Variants in PRDM12 observed in about 807,000 individuals in gnomAD.
PRDM12 encodes the protein PR domain zinc finger protein 12.
A neutral mutation model predicts 29.6 loss-of-function variants in PRDM12; 17 were observed. The ratio of observed to expected loss-of-function variants is 0.57; its 90% CI spans 0.39 to 0.86. The LOEUF is 0.86. PRDM12 is among the 40% of genes least tolerant of loss of function. The probability of loss-of-function intolerance (pLI) is 0.00; values close to 1 mark genes in which losing one functional copy is unlikely to be tolerated. For missense variants in PRDM12, 422 were observed against 510.8 expected, an observed-to-expected ratio of 0.83 and a Z score of 1.68; for synonymous variants, 231 against 225.8, an observed-to-expected ratio of 1.02 and a Z score of -0.21.
intron 3 of PRDM12, among the ~76,000 whole-genome samples, chr9:130,673,057 G>A (rs1049296900): frequency 6.6e-6 from 1 of 152,178 alleles, no homozygotes; most frequent in African/African-American, 2.4e-5. Flanking sequence ...CAGTTCCTTT[G>A]GGAATTGCTT....
At chr9:130,679,294 C>T (rs1830871479) in intron 4 of PRDM12, among the ~76,000 whole-genome samples, 1 of 151,690 alleles carries the variant, frequency 6.6e-6, no homozygotes, top group South Asian at 2.1e-4. Flanking sequence ...ATTCATAAAA[C>T]CTCTGTGTAT....
At chr9:130,678,832 G>A (rs754528063) in intron 4 of PRDM12, among the ~76,000 whole-genome samples, 192 bp downstream of exon 4, 4 of 152,308 alleles carry the variant, frequency 2.6e-5, no homozygotes, top group East Asian at 3.9e-4. Flanking sequence ...GCATGGGCCG[G>A]GCATGGGTGG....
chr9:130,680,659 A>ATATTTTT, intron 4 of PRDM12, among the ~76,000 whole-genome samples: 20 of 72,172 alleles, frequency 2.8e-4, no homozygotes, highest in East Asian at 6.4e-4. Flanking sequence ...ATATATATAT[A>ATATTTTT]TTTTTTTTTT....
intron 3 of PRDM12, among the ~76,000 whole-genome samples, chr9:130,675,177 G>A (rs1445844982): frequency 1.3e-5 from 2 of 152,214 alleles, no homozygotes; most frequent in Non-Finnish European, 2.9e-5. Context: ...ACTGCACCCA[G>A]CCTACTGTTA....
chr9:130,671,397 A>T lies in PRDM12; in HGVS notation c.570+3084A>T, dbSNP rs546472266. 2.1e-4 allele frequency among the ~76,000 whole-genome samples: 32 copies of T among 151,824 alleles called. No homozygotes were observed. The Middle Eastern group carries it at 0.01, about 48-fold the overall frequency. On this transcript the variant is annotated intron_variant, in intron 3 of 4. Transcript: ENST00000253008. ...AGGACACACACACACACACACACAC[A>T]CACACACACACACACACACACTGTA...
At position 130,679,577 on chromosome 9, in the gene PRDM12, C is replaced by T. The variant is rs565322704; in HGVS notation, c.682+937C>T. 4.6e-5 allele frequency among the ~76,000 whole-genome samples: 7 copies of T among 152,286 alleles called. No individual in the cohort carries two copies. The South Asian group carries it at 1.5e-3, about 32-fold the overall frequency. Reference sequence around the variant, plus strand: ...CAAACTCCTGACCTCAAGCGATCTGCCCACTTTGGCCTCCCAAAGTGCTGA... The same window carrying T: ...CAAACTCCTGACCTCAAGCGATCTGTCCACTTTGGCCTCCCAAAGTGCTGA... On this transcript the variant is annotated intron_variant, in intron 4 of 4. Coordinates refer to ENST00000253008, the MANE Select transcript of PRDM12 (RefSeq NM_021619.3).
At chr9:130,673,395 G>A (rs972152904) in intron 3 of PRDM12, among the ~76,000 whole-genome samples, 16 of 152,296 alleles carry the variant, frequency 1.1e-4, no homozygotes, top group South Asian at 6.2e-4. Context: ...GCCTGGGCAC[G>A]GGGCACAGAA....
chr9:130,672,023 C>T (rs540158226), intron 3 of PRDM12, among the ~76,000 whole-genome samples: 2 of 152,274 alleles, frequency 1.3e-5, no homozygotes, highest in African/African-American at 4.8e-5. Context: ...GTGGAGGTTC[C>T]GCAGCAGGGC....
In PRDM12 at chr9:130,665,314, G is replaced by C. The variant is rs915343078; in HGVS notation, c.223+438G>C. 9.2e-5 allele frequency among the ~76,000 whole-genome samples: 14 copies of C among 152,198 alleles called. 1 individual carries two copies. The highest frequency in any genetic ancestry group is 3.3e-4 in the Admixed American group (5 of 15,284). Reference sequence around the variant, plus strand: ...AAAAGGCAGCCGGGGCTGGGGAGGGGGTGGAGGGAGGGCGGGCGGGGAGAA... The same window carrying C: ...AAAAGGCAGCCGGGGCTGGGGAGGGCGTGGAGGGAGGGCGGGCGGGGAGAA... On this transcript the variant is annotated intron_variant, in intron 1 of 4. Coordinates refer to ENST00000253008, the MANE Select transcript of PRDM12 (RefSeq NM_021619.3).
intron 3 of PRDM12, among the ~76,000 whole-genome samples, chr9:130,673,143 C>T (rs1420545485): frequency 1.3e-5 from 2 of 152,206 alleles, no homozygotes; most frequent in African/African-American, 4.8e-5. Flanking sequence ...TCTCCAAGCC[C>T]CAGCAGAGAG....
intron 3 of PRDM12, among the ~76,000 whole-genome samples, chr9:130,672,066 T>C (rs1830794161): frequency 6.6e-6 from 1 of 152,220 alleles, no homozygotes; most frequent in South Asian, 2.1e-4. Flanking sequence ...ATGTGGCCCC[T>C]GGGGAACCTC....
In PRDM12 at chr9:130,666,604, G is replaced by A. The variant is rs758423004; in HGVS notation, c.224-4G>A. 4.4e-6 allele frequency: 7 copies of A among 1,597,722 alleles called. No homozygotes were observed. The highest frequency in any genetic ancestry group is 2.7e-5 in the African/African-American group (2 of 73,484). On this transcript the variant is annotated splice_polypyrimidine_tract_variant and splice_region_variant and intron_variant, in intron 1 of 4. Coordinates refer to ENST00000253008, the MANE Select transcript of PRDM12 (RefSeq NM_021619.3). ...GACCGGTTTTCCTGGCCCCGCCGCC[G>A]CAGAAGTGCAGAAGCTGTCCAGCCT...
intron 3 of PRDM12, among the ~76,000 whole-genome samples, chr9:130,675,584 G>A (rs935431219): frequency 2.0e-4 from 30 of 152,208 alleles, no homozygotes; most frequent in African/African-American, 7.2e-4. Context: ...CGAGCTCCAG[G>A]AAAAACAATC....
At position 130,678,585 on chromosome 9, in the gene PRDM12, C is replaced by T. The variant is rs749555559; in HGVS notation, c.627C>T (p.Phe209=). 2 of 1,613,600 alleles carry T rather than the reference C, an allele frequency of 1.2e-6. No individual in the cohort carries two copies. The highest frequency in any genetic ancestry group is 2.7e-5 in the African/African-American group (2 of 74,900). Reference sequence around the variant, plus strand: ...GGTACGGAAACTCACACAACACCTTCCTGGGGATCCCAGGTGTGCCCGGGC... The same window carrying T: ...GGTACGGAAACTCACACAACACCTTTCTGGGGATCCCAGGTGTGCCCGGGC... ...LVWYGNSHNT[F]LGIPGVPGLE... The change falls in exon 4 of 5, where the codon TTC becomes TTT. Residue 209 remains phenylalanine (F), a synonymous_variant. Coordinates refer to ENST00000253008, the MANE Select transcript of PRDM12 (RefSeq NM_021619.3).
intron 3 of PRDM12, among the ~76,000 whole-genome samples, chr9:130,670,693 G>A (rs1189535251): frequency 6.6e-6 from 1 of 152,062 alleles, no homozygotes; most frequent in Non-Finnish European, 1.5e-5. Flanking sequence ...ACACATCTTC[G>A]CCTTCATACG....
At position 130,668,770 on chromosome 9, in the gene PRDM12, C is replaced by CTAA. The variant is rs1564245308; in HGVS notation, c.570+457_570+458insTAA. 6.6e-6 allele frequency among the ~76,000 whole-genome samples: 1 copy of CTAA among 152,094 alleles called. No homozygotes were observed. The highest frequency in any genetic ancestry group is 2.4e-5 in the African/African-American group (1 of 41,388). The stretch of plus-strand genomic sequence containing the variant: ...TGCATGCATGGGCACCAGTGGCTTA[C>CTAA]GGCTCATGACTCCAGACTCAGCGAT... On this transcript the variant is annotated intron_variant, in intron 3 of 4. Coordinates refer to ENST00000253008, the MANE Select transcript of PRDM12 (RefSeq NM_021619.3). The surrounding 1 kb of genome is among the most constrained non-coding windows in gnomAD (Gnocchi z 4.0).
At chr9:130,680,253 C>T (rs187323965) in intron 4 of PRDM12, among the ~76,000 whole-genome samples, 10 of 152,108 alleles carry the variant, frequency 6.6e-5, no homozygotes, top group Admixed American at 5.9e-4. Context: ...GGGAGGATCG[C>T]TTGAACCCGG....
At chr9:130,667,524 C>G (rs1282158021) in intron 2 of PRDM12, among the ~76,000 whole-genome samples, 5 of 109,660 alleles carry the variant, frequency 4.6e-5, no homozygotes, top group Non-Finnish European at 7.3e-5. Context: ...CCCGCTCCCC[C>G]ACTCCAGCTC....
rs749407450 is a variant in PRDM12, at chr9:130,666,807, G to A, written c.414+9G>A. The stretch of plus-strand genomic sequence containing the variant: ...ACAACCTCATGTGGGAGGTACGCGC[G>A]GGCTGGGGCAGAGGGGCGCAAGGGC... On this transcript the variant is annotated intron_variant, in intron 2 of 4. Transcript: ENST00000253008. The A allele has an allele frequency of 3.8e-6, 6 of 1,593,340 alleles. No individual in the cohort carries two copies. Among genetic ancestry groups the A allele is most frequent in the Admixed American group, 1.7e-5 (1 of 58,692 alleles).
Sources: gnomAD v4.1 joint callset for allele counts (sites outside exome capture counted in the v4.1 genomes callset) on GRCh38, gnomAD v4.1.1 for gene constraint, Gnocchi (gnomAD v3.1) non-coding constraint, MANE v1.5 for transcripts, NCBI Gene and HGNC (gene_info 2026-07-23, HGNC 2026-07-21) for gene names.